The following ROBO1 variants were observed in gnomAD, a reference collection of about 807,000 sequenced individuals.
ROBO1 encodes roundabout homolog 1.
Under a neutral mutation model 195.9 loss-of-function variants are expected in ROBO1, and 149 were observed. That is an observed-to-expected ratio of 0.76 (90% CI 0.67 to 0.87). ROBO1 has a LOEUF of 0.87. Among genes scored for constraint, ROBO1 ranks in the 40% least tolerant of loss-of-function variants. The probability of loss-of-function intolerance (pLI) is 0.00; values close to 1 mark genes in which losing one functional copy is unlikely to be tolerated. For synonymous variants in ROBO1, 816 were observed against 733.2 expected, an observed-to-expected ratio of 1.11 and a Z score of -1.82; for missense variants, 1,933 against 2,068.3, an observed-to-expected ratio of 0.93 and a Z score of 1.27.
chr3:79,252,175 T>C (rs945866119), intron 2 of ROBO1, among the ~76,000 whole-genome samples: 3 of 152,164 alleles, frequency 2.0e-5, no homozygotes, highest in Middle Eastern at 3.2e-3. Flanking sequence ...ATTGAAATTA[T>C]TAATATTAAA....
intron 4 of ROBO1, among the ~76,000 whole-genome samples, chr3:78,932,348 AGTGTTGAAATACTCATCTTAG>A (rs1298458135): frequency 6.6e-6 from 1 of 152,206 alleles, no homozygotes; most frequent in African/African-American, 2.4e-5. Context: ...AGTATCAACT[AGTGTTGAAATACTCATCTTAG>A]CACTTTTCAG....
chr3:79,301,398 G>A (rs1353496684), intron 2 of ROBO1, among the ~76,000 whole-genome samples: 1 of 152,190 alleles, frequency 6.6e-6, no homozygotes, highest in Admixed American at 6.5e-5. Context: ...TAAACTGTGT[G>A]TTTTACAGAC....
intron 1 of ROBO1, among the ~76,000 whole-genome samples, chr3:79,669,912 C>T (rs4856253): frequency 0.6 from 91,539 of 151,654 alleles, 27,847 homozygotes; most frequent in South Asian, 0.69. Context: ...ATATAATTTA[C>T]GGTTTTTGCA....
chr3:79,721,557 T>G (rs1333745563), intron 1 of ROBO1, among the ~76,000 whole-genome samples: 1 of 152,194 alleles, frequency 6.6e-6, no homozygotes, highest in Non-Finnish European at 1.5e-5. Flanking sequence ...TGTCTATGCT[T>G]AATTTTCTAG....
intron 2 of ROBO1, among the ~76,000 whole-genome samples, chr3:79,515,536 G>T (rs1940908318): frequency 6.6e-6 from 1 of 152,068 alleles, no homozygotes; most frequent in Non-Finnish European, 1.5e-5. Context: ...CGTATCCTTA[G>T]TGTCTTATTT....
At chr3:79,091,752 G>A (rs2079483921) in intron 3 of ROBO1, among the ~76,000 whole-genome samples, 1 of 152,148 alleles carries the variant, frequency 6.6e-6, no homozygotes, top group African/African-American at 2.4e-5. Flanking sequence ...GAGTTTGTGG[G>A]AAGAACATTC....
intron 4 of ROBO1, among the ~76,000 whole-genome samples, chr3:78,848,730 G>T (rs1053506378): frequency 6.6e-6 from 1 of 152,104 alleles, no homozygotes; most frequent in African/African-American, 2.4e-5. Flanking sequence ...ACAGATCTTG[G>T]CTTTGACATA....
rs535104032 is a variant in ROBO1, at chr3:78,923,038, A to C, written c.499+15563T>G. ...GATAATGCCTATCTCTGACTAGTGCAAATTATTTTCCAATAGTTATCCAAT... is the reference window on the plus strand; with the variant it reads ...GATAATGCCTATCTCTGACTAGTGCCAATTATTTTCCAATAGTTATCCAAT... On this transcript the variant is annotated intron_variant, in intron 4 of 30. Coordinates refer to ENST00000464233, the MANE Select transcript of ROBO1 (RefSeq NM_002941.4). Among the ~76,000 whole-genome samples, 3 of 152,258 alleles carry C rather than the reference A, an allele frequency of 2.0e-5. No individual in the cohort carries two copies. In the East Asian group the frequency reaches 5.8e-4, roughly 29 times the overall value.
At position 79,663,268 on chromosome 3, in the gene ROBO1, A is replaced by G. The variant is rs187717652; in HGVS notation, c.-50-73307T>C. The stretch of plus-strand genomic sequence containing the variant: ...TACCATTAATAAAATTATTACAGAA[A>G]TGTTCCACAAAAAAATGCAATGGTA... On this transcript the variant is annotated intron_variant, in intron 1 of 30. Coordinates refer to ENST00000464233, the MANE Select transcript of ROBO1 (RefSeq NM_002941.4). Among the ~76,000 whole-genome samples, 10 of 152,158 alleles carry G rather than the reference A, an allele frequency of 6.6e-5. No homozygotes were observed. In the East Asian group the frequency reaches 1.9e-3, roughly 30 times the overall value.
At chr3:79,430,838 G>A (rs1338127337) in intron 2 of ROBO1, among the ~76,000 whole-genome samples, 2 of 152,084 alleles carry the variant, frequency 1.3e-5, no homozygotes, top group South Asian at 4.1e-4. Context: ...ATAAGTTATT[G>A]ATGGGATTTT....
At chr3:79,744,020 C>T (rs1703765410) in intron 1 of ROBO1, among the ~76,000 whole-genome samples, 1 of 152,026 alleles carries the variant, frequency 6.6e-6, no homozygotes, top group African/African-American at 2.4e-5. Flanking sequence ...ATAGTAAATA[C>T]ACAAAACCAG....
chr3:79,408,380 GA>G (rs1309531100), intron 2 of ROBO1, among the ~76,000 whole-genome samples: 1 of 151,864 alleles, frequency 6.6e-6, no homozygotes, highest in African/African-American at 2.4e-5. Flanking sequence ...ATTATTTAAT[GA>G]ATATTCATTG....
intron 2 of ROBO1, among the ~76,000 whole-genome samples, chr3:79,336,868 C>G (rs557371167): frequency 6.6e-6 from 1 of 152,174 alleles, no homozygotes; most frequent in Non-Finnish European, 1.5e-5. Flanking sequence ...TGGGAGCCCA[C>G]CTCTTGCATC....
chr3:79,479,304 A>T (rs1938709105), intron 2 of ROBO1, among the ~76,000 whole-genome samples: 1 of 152,208 alleles, frequency 6.6e-6, no homozygotes, highest in Admixed American at 6.5e-5. Context: ...ATTATCAGGC[A>T]TTAGTCGCAT....
At chr3:78,978,613 T>C (rs2076930804) in intron 3 of ROBO1, among the ~76,000 whole-genome samples, 1 of 152,106 alleles carries the variant, frequency 6.6e-6, no homozygotes, top group South Asian at 2.1e-4. Flanking sequence ...TGTCCCATAC[T>C]AGTTAGCAGC....
At chr3:79,502,458 T>C (rs997713414) in intron 2 of ROBO1, among the ~76,000 whole-genome samples, 1 of 152,068 alleles carries the variant, frequency 6.6e-6, no homozygotes, top group Admixed American at 6.5e-5. Flanking sequence ...GGGGCAGGGC[T>C]CGGGACCTGT....
intron 1 of ROBO1, among the ~76,000 whole-genome samples, chr3:79,640,615 C>T (rs145715689): frequency 2.7e-3 from 409 of 152,286 alleles, no homozygotes; most frequent in Non-Finnish European, 4.3e-3. Context: ...GTACCTCATA[C>T]ACTTCAACTT....
At chr3:79,413,160 C>A (rs750405910) in intron 2 of ROBO1, among the ~76,000 whole-genome samples, 8 of 151,666 alleles carry the variant, frequency 5.3e-5, no homozygotes, top group Non-Finnish European at 1.2e-4. Flanking sequence ...TATTCTACAA[C>A]CTGAGCTATT....
At chr3:79,462,321 A>T (rs145096237) in intron 2 of ROBO1, among the ~76,000 whole-genome samples, 417 of 152,230 alleles carry the variant, frequency 2.7e-3, no homozygotes, top group Non-Finnish European at 4.6e-3. Context: ...CATACGTGCA[A>T]GTTATATGAA....
Sources: allele counts gnomAD v4.1 joint callset (sites outside exome capture counted in the v4.1 genomes callset), GRCh38; gene constraint gnomAD v4.1.1; transcripts MANE v1.5; gene names NCBI Gene and HGNC (gene_info 2026-07-23, HGNC 2026-07-21).